The following IQCE variants were observed in gnomAD, a reference collection of about 807,000 sequenced individuals.
IQCE encodes IQ domain-containing protein E.
Under a neutral mutation model 96.0 loss-of-function variants are expected in IQCE, and 115 were observed. The observed-to-expected ratio is 1.20, with a 90% CI of 1.03 to 1.40. The LOEUF (loss-of-function observed/expected upper bound fraction) is 1.40, where lower values mean the gene tolerates loss of function less well. IQCE is among the 40% of genes most tolerant of loss of function. The probability of loss-of-function intolerance (pLI) is 0.00; values close to 1 mark genes in which losing one functional copy is unlikely to be tolerated. For synonymous variants in IQCE, 412 were observed against 371.2 expected, an observed-to-expected ratio of 1.11 and a Z score of -1.26; for missense variants, 1,041 against 909.1, an observed-to-expected ratio of 1.15 and a Z score of -1.87.
intron 16 of IQCE, chr7:2,596,985 AC>A: frequency 2.1e-6 from 1 of 471,262 alleles, no homozygotes; most frequent in Non-Finnish European, 4.4e-6. Flanking sequence ...CACCCAAGTG[AC>A]CATCCTAGGA....
chr7:2,588,434 A>G (rs1167634962), intron 13 of IQCE, among the ~76,000 whole-genome samples: 1 of 150,534 alleles, frequency 6.6e-6, no homozygotes, highest in Admixed American at 6.6e-5. Flanking sequence ...GGTCACGGCA[A>G]CCTCCGCCTC....
At chr7:2,569,746 C>T (rs865784609) in intron 3 of IQCE, among the ~76,000 whole-genome samples, 1 of 152,170 alleles carries the variant, frequency 6.6e-6, no homozygotes, top group Non-Finnish European at 1.5e-5. Flanking sequence ...ATTTTATATA[C>T]GCGTATCATA....
chr7:2,559,549 A>C, intron 1 of IQCE: 2 of 175,770 alleles, frequency 1.1e-5, no homozygotes, highest in Non-Finnish European at 2.4e-5. Context: ...CCCCGATCTA[A>C]GGCGGGATCC....
At chr7:2,606,365 G>A (rs1412164464) in intron 20 of IQCE, among the ~76,000 whole-genome samples, 1 of 152,130 alleles carries the variant, frequency 6.6e-6, no homozygotes, top group African/African-American at 2.4e-5. Flanking sequence ...ACTGTGTTGT[G>A]ACCTCCGTGT....
intron 1 of IQCE, among the ~76,000 whole-genome samples, chr7:2,561,422 AT>A (rs1411351609): frequency 0.048 from 6,822 of 143,334 alleles, 275 homozygotes; most frequent in African/African-American, 0.13. Flanking sequence ...ATATACAATA[AT>A]TTTTTTTTTT....
At chr7:2,593,954 T>C (rs1783815251) in intron 15 of IQCE, among the ~76,000 whole-genome samples, 1 of 152,190 alleles carries the variant, frequency 6.6e-6, no homozygotes, top group Non-Finnish European at 1.5e-5. Context: ...TAGTAAGACA[T>C]AGACTACCGG....
At chr7:2,603,598 G>A (rs1471595605) in intron 18 of IQCE, among the ~76,000 whole-genome samples, 1 of 152,172 alleles carries the variant, frequency 6.6e-6, no homozygotes, top group Non-Finnish European at 1.5e-5. Context: ...GTGGCGTGAC[G>A]GAGATGCGTG....
chr7:2,603,975 C>T (rs1449412996), intron 18 of IQCE, among the ~76,000 whole-genome samples: 1 of 136,668 alleles, frequency 7.3e-6, no homozygotes, highest in African/African-American at 2.7e-5. Context: ...GAACTTCTTA[C>T]GGAGCTTCCC....
chr7:2,609,984 G>A (rs1014512035), intron 21 of IQCE, 60 bp from the exon 22 acceptor site: 9 of 927,346 alleles, frequency 9.7e-6, no homozygotes, highest in African/African-American at 4.9e-5. Flanking sequence ...AAGGGTGTCC[G>A]TGGTGGCAGC....
chr7:2,582,178 A>G (rs1345741605), intron 8 of IQCE: 2 of 417,618 alleles, frequency 4.8e-6, no homozygotes, highest in African/African-American at 4.2e-5. Context: ...TCACTGCCCC[A>G]TGGAGACTGA....
chr7:2,587,459 G>A (rs1025016611), intron 12 of IQCE, among the ~76,000 whole-genome samples: 1 of 152,098 alleles, frequency 6.6e-6, no homozygotes, highest in African/African-American at 2.4e-5. Flanking sequence ...GGCTAGCGAG[G>A]GGCTGTGCAT....
At chr7:2,610,016 C>T (rs1323300940) in intron 21 of IQCE, 28 bp from the exon 22 acceptor site, 2 of 1,297,346 alleles carry the variant, frequency 1.5e-6, no homozygotes, top group South Asian at 2.4e-5. Context: ...GCGTGGCTGA[C>T]CCCTCTCCCT....
chr7:2,609,741 G>A (rs1785026287), intron 21 of IQCE, among the ~76,000 whole-genome samples: 1 of 151,326 alleles, frequency 6.6e-6, no homozygotes, highest in Admixed American at 6.6e-5. Context: ...AGGCTTTCTG[G>A]CAGGTGTGTA....
rs778981226 is a variant in IQCE, at chr7:2,578,459, C to T, written c.580-17C>T. On this transcript the variant is annotated splice_polypyrimidine_tract_variant and intron_variant, in intron 7 of 21. Coordinates refer to ENST00000402050, the MANE Select transcript of IQCE (RefSeq NM_152558.5). The stretch of plus-strand genomic sequence containing the variant: ...TACACCGAAGGCCGTCTTCATGTCT[C>T]AATCTGCTTACCACAGGGCACGGAT... 3 of 1,614,166 alleles carry T rather than the reference C, an allele frequency of 1.9e-6. No homozygotes were observed. The highest frequency in any genetic ancestry group is 1.1e-5 in the South Asian group (1 of 91,086).
At chr7:2,568,139 T>C (rs1781515605) in intron 2 of IQCE, among the ~76,000 whole-genome samples, 1 of 152,058 alleles carries the variant, frequency 6.6e-6, no homozygotes, top group Non-Finnish European at 1.5e-5. Flanking sequence ...TCCAAAATGC[T>C]CCAAAAATGG....
intron 3 of IQCE, among the ~76,000 whole-genome samples, chr7:2,570,567 C>T (rs970206579): frequency 6.6e-6 from 1 of 151,666 alleles, no homozygotes. Flanking sequence ...ATTGTGAAAC[C>T]GCGGGAAAAA....
Position 2,571,545 on chromosome 7 carries a change from G to C in IQCE, c.150G>C (p.Lys50Asn). ...TTCCAGAGTCACCTTATCTCTCTAA[G>C]CCGAGAAAAGTGGCCTCCTGGAGGT... Reference protein sequence around the residue: ...PTSPKSPYLSKPRKVASWRSL... With the variant: ...PTSPKSPYLSNPRKVASWRSL... Residue 50 changes from lysine (K) to asparagine (N), a missense_variant, in exon 4 of 22, where the codon AAG (lysine) becomes AAC (asparagine). Physicochemically the swap from Lys to Asn is moderately conservative, Grantham distance 94. Transcript: ENST00000402050. The C allele has an allele frequency of 1.2e-6, 2 of 1,606,282 alleles. No homozygotes were observed. Among genetic ancestry groups the C allele is most frequent in the Non-Finnish European group, 1.7e-6 (2 of 1,179,966 alleles).
chr7:2,607,235 CA>C lies in IQCE; in HGVS notation c.1969+9del, dbSNP rs1237409144. On this transcript the variant is annotated intron_variant, in intron 21 of 21. Coordinates refer to ENST00000402050, the MANE Select transcript of IQCE (RefSeq NM_152558.5). ...TCCTCGCAGCTCTTCCTGGTAATTT[CA>C]TTCATTTGGATTCTGGCACCAGGGC... 2 of 1,613,742 alleles carry C rather than the reference CA, an allele frequency of 1.2e-6. No individual in the cohort carries two copies. Among genetic ancestry groups the C allele is most frequent in the Admixed American group, 3.3e-5 (2 of 60,000 alleles).
intron 1 of IQCE, among the ~76,000 whole-genome samples, chr7:2,566,874 G>A (rs766333879): frequency 1.1e-4 from 16 of 152,210 alleles, no homozygotes; most frequent in Non-Finnish European, 2.2e-4. Flanking sequence ...TACTAGATTT[G>A]CAGACATTTG....
Sources: allele counts gnomAD v4.1 joint callset (sites outside exome capture counted in the v4.1 genomes callset), GRCh38; gene constraint gnomAD v4.1.1; transcripts MANE v1.5; gene names NCBI Gene and HGNC (gene_info 2026-07-23, HGNC 2026-07-21).